Variants in EPHX1 observed in about 807,000 individuals in gnomAD.
EPHX1 encodes the protein epoxide hydratase.
EPHX1 carries 40 observed loss-of-function variants against 43.2 expected under a neutral mutation model. The observed-to-expected ratio is 0.93, with a 90% CI of 0.72 to 1.21. The LOEUF (loss-of-function observed/expected upper bound fraction) is 1.21, where lower values mean the gene tolerates loss of function less well. Ranked by LOEUF, EPHX1 falls within the 50% of genes most tolerant of loss-of-function variation. The pLI is 0.00. For missense variants in EPHX1, 550 were observed against 570.4 expected (o/e 0.96, Z 0.36); for synonymous variants, 221 against 226.7 (o/e 0.98, Z 0.22).
At chr1:225,831,665 C>A in intron 2 of EPHX1, 114 bp from the exon 3 acceptor site, 3 of 1,034,434 alleles carry the variant, frequency 2.9e-6, no homozygotes, top group South Asian at 1.3e-5. Context: ...TTGCCACTCC[C>A]AGAGGGCAGT....
At chr1:225,821,715 C>T (rs1666990569) in intron 1 of EPHX1, among the ~76,000 whole-genome samples, 1 of 151,060 alleles carries the variant, frequency 6.6e-6, no homozygotes, top group East Asian at 2.0e-4. Context: ...CATGCACCAC[C>T]ATGCCTGGCT....
intron 2 of EPHX1, among the ~76,000 whole-genome samples, chr1:225,829,376 G>T (rs906118320): frequency 1.3e-5 from 2 of 152,220 alleles, no homozygotes; most frequent in South Asian, 2.1e-4. Context: ...CCCGCGGGGT[G>T]AGGATTGTTG....
chr1:225,837,136 A>G (rs1267637048), intron 3 of EPHX1, among the ~76,000 whole-genome samples: 1 of 152,250 alleles, frequency 6.6e-6, no homozygotes, highest in Admixed American at 6.5e-5. Context: ...GTTCCAAAAT[A>G]AAGTTTAGAC....
intron 1 of EPHX1, among the ~76,000 whole-genome samples, chr1:225,827,312 C>T (rs1427509851): frequency 6.6e-6 from 1 of 152,156 alleles, no homozygotes; most frequent in Non-Finnish European, 1.5e-5. Flanking sequence ...ATGCTTTCTC[C>T]TCCGTCTGGG....
intron 3 of EPHX1, 81 bp from the exon 4 acceptor site, chr1:225,838,573 T>A (rs1446646240): frequency 1.6e-6 from 2 of 1,272,602 alleles, no homozygotes; most frequent in Non-Finnish European, 1.1e-6. Context: ...GGACTCAATA[T>A]CTAGGCTCTG....
chr1:225,845,359 C>G lies in EPHX1; in HGVS notation c.*12C>G. ...TGGAGCGGCAATGACCCACCCCTCTCCCCCCGCCTGCCACCTCCCCCCACA... is the reference window on the plus strand; with the variant it reads ...TGGAGCGGCAATGACCCACCCCTCTGCCCCCGCCTGCCACCTCCCCCCACA... On this transcript the variant is annotated 3_prime_UTR_variant, in exon 9 of 9. Transcript: ENST00000272167. 7.0e-7 allele frequency: 1 copy of G among 1,434,586 alleles called. No homozygotes were observed. Among genetic ancestry groups the G allele is most frequent in the Non-Finnish European group, 9.4e-7 (1 of 1,064,474 alleles). The allele number at this position is 1,434,586 out of a possible 1,614,324, so 88.9% of individuals were successfully genotyped here. A position where few individuals can be genotyped will look rare whatever the true frequency, so the allele number is the denominator to read the frequency against.
intron 2 of EPHX1, among the ~76,000 whole-genome samples, chr1:225,829,946 G>T (rs953087525): frequency 5.9e-5 from 9 of 151,944 alleles, no homozygotes; most frequent in Non-Finnish European, 1.3e-4. Context: ...ATAGTGGCGG[G>T]CACCTATAAT....
chr1:225,831,213 C>T (rs139633726), intron 2 of EPHX1, among the ~76,000 whole-genome samples: 23 of 152,250 alleles, frequency 1.5e-4, no homozygotes, highest in African/African-American at 4.8e-4. Flanking sequence ...GCTGTAGAGA[C>T]GCCTGGGTAA....
At chr1:225,842,682 G>A (rs929157872) in intron 7 of EPHX1, among the ~76,000 whole-genome samples, 4 of 152,238 alleles carry the variant, frequency 2.6e-5, no homozygotes, top group Non-Finnish European at 5.9e-5. Flanking sequence ...CACAGTGCAT[G>A]GTCAAGACTA....
intron 1 of EPHX1, among the ~76,000 whole-genome samples, chr1:225,827,866 C>T (rs1039925630): frequency 1.3e-5 from 2 of 152,102 alleles, no homozygotes; most frequent in Admixed American, 6.5e-5. Context: ...AGCAGTGTCC[C>T]CCAACCCCAA....
chr1:225,837,905 T>C (rs1668056370), intron 3 of EPHX1, among the ~76,000 whole-genome samples: 1 of 152,256 alleles, frequency 6.6e-6, no homozygotes, highest in African/African-American at 2.4e-5. Flanking sequence ...AAATTATGCA[T>C]TTAATACCTG....
intron 3 of EPHX1, among the ~76,000 whole-genome samples, chr1:225,833,342 T>G (rs1052922707): frequency 6.6e-6 from 1 of 152,030 alleles, no homozygotes; most frequent in Non-Finnish European, 1.5e-5. Context: ...AAAAGGAAAT[T>G]GAAATTATAG....
chr1:225,839,277 A>G lies in EPHX1; in HGVS notation c.653A>G (p.Gln218Arg). 6.2e-7 allele frequency: 1 copy of G among 1,614,058 alleles called. No homozygotes were observed. Reference sequence around the variant, plus strand: ...AAGCTGATGCTGCGGCTGGGCTTCCAGGAATTCTACATTCAAGGAGGGGAC... The same window carrying G: ...AAGCTGATGCTGCGGCTGGGCTTCCGGGAATTCTACATTCAAGGAGGGGAC... ...FYKLMLRLGF[Q>R]EFYIQGGDWG... The change falls in exon 5 of 9, where the codon CAG becomes CGG. Residue 218 changes from glutamine (Q) to arginine (R), a missense_variant. Transcript: ENST00000272167.
intron 1 of EPHX1, among the ~76,000 whole-genome samples, chr1:225,823,386 C>T (rs928801434): frequency 6.6e-6 from 1 of 152,158 alleles, no homozygotes; most frequent in Non-Finnish European, 1.5e-5. Context: ...CAAAGGTTGT[C>T]AGAGTTGCTG....
intron 2 of EPHX1, among the ~76,000 whole-genome samples, chr1:225,831,495 C>T (rs536792504): frequency 1.1e-4 from 16 of 150,780 alleles, no homozygotes; most frequent in Admixed American, 3.3e-4. Context: ...TGCAGTGGGC[C>T]GAGATCACGC....
intron 3 of EPHX1, among the ~76,000 whole-genome samples, chr1:225,836,170 A>G: frequency 6.6e-6 from 1 of 152,256 alleles, no homozygotes; most frequent in African/African-American, 2.4e-5. Flanking sequence ...CTAAAGAGAC[A>G]TGACAGCTCA....
At chr1:225,822,164 A>G (rs2102696618) in intron 1 of EPHX1, among the ~76,000 whole-genome samples, 1 of 152,322 alleles carries the variant, frequency 6.6e-6, no homozygotes, top group South Asian at 2.1e-4. Flanking sequence ...AGTAGGAGCC[A>G]AATGTTCATC....
At chr1:225,839,465 G>A (rs996232361) in intron 5 of EPHX1, 119 bp downstream of exon 5, 3 of 1,530,204 alleles carry the variant, frequency 2.0e-6, no homozygotes, top group African/African-American at 2.7e-5. Context: ...AGGAGGGAGT[G>A]TGACCTGTCA....
At chr1:225,842,960 A>T (rs1026248565) in intron 7 of EPHX1, among the ~76,000 whole-genome samples, 1 of 152,196 alleles carries the variant, frequency 6.6e-6, no homozygotes, top group Admixed American at 6.5e-5. Flanking sequence ...CTCAGGCTTC[A>T]CCAAGGTCAG....
Sources: gnomAD v4.1 joint callset for allele counts (sites outside exome capture counted in the v4.1 genomes callset) on GRCh38, gnomAD v4.1.1 for gene constraint, MANE v1.5 for transcripts, NCBI Gene and HGNC (gene_info 2026-07-23, HGNC 2026-07-21) for gene names.